The following FTCDNL1 variants were observed in gnomAD, a reference collection of about 807,000 sequenced individuals.
The protein encoded by FTCDNL1 is formiminotransferase cyclodeaminase N-terminal like, also known as formiminotransferase N-terminal subdomain-containing protein.
FTCDNL1 carries 11 observed loss-of-function variants against 5.9 expected under a neutral mutation model. That is an observed-to-expected ratio of 1.87 (90% confidence interval 1.18 to 3.10). The LOEUF (loss-of-function observed/expected upper bound fraction) is 3.10. Ranked by LOEUF, FTCDNL1 falls within the 30% of genes most tolerant of loss-of-function variation. The pLI is 0.00. For missense variants in FTCDNL1, 115 were observed against 65.5 expected (o/e 1.76, Z -2.61); for synonymous variants, 58 against 24.8 (o/e 2.34, Z -3.99).
At chr2:199,844,247 T>C (rs921098426) in intron 3 of FTCDNL1, 2 of 403,496 alleles carry the variant, frequency 5.0e-6, no homozygotes, top group Non-Finnish European at 8.8e-6. Flanking sequence ...AAACACACAG[T>C]GTATTGTTGA....
downstream of FTCDNL1, among the ~76,000 whole-genome samples, chr2:199,759,286 T>C (rs900014484): frequency 4.0e-5 from 6 of 151,362 alleles, no homozygotes; most frequent in African/African-American, 1.5e-4. Context: ...GCTTTTTCCT[T>C]ATCATTTGTT....
chr2:199,736,416 G>A, the FTCDNL1 span, among the ~76,000 whole-genome samples: 1 of 152,140 alleles, frequency 6.6e-6, no homozygotes, highest in Non-Finnish European at 1.5e-5. Flanking sequence ...AGTTATGGGG[G>A]ATGCCTGACT....
At chr2:199,717,509 A>ATTTTTTTTTTTTTTTTTTTTT in the FTCDNL1 span, among the ~76,000 whole-genome samples, 7 of 57,688 alleles carry the variant, frequency 1.2e-4, no homozygotes, top group East Asian at 1.8e-3. Flanking sequence ...CAAGGCAGAG[A>ATTTTTTTTTTTTTTTTTTTTT]TTTTTTTTTT....
At chr2:199,779,986 C>G (rs559403205) in intron 3 of FTCDNL1, among the ~76,000 whole-genome samples, 6 of 152,314 alleles carry the variant, frequency 3.9e-5, no homozygotes, top group African/African-American at 7.2e-5. Flanking sequence ...AGTACCACCT[C>G]TTATCACGTG....
chr2:199,780,339 T>C (rs1302229767), intron 3 of FTCDNL1, among the ~76,000 whole-genome samples: 1 of 152,216 alleles, frequency 6.6e-6, no homozygotes, highest in African/African-American at 2.4e-5. Context: ...TTAAGAGCTG[T>C]GTTCTGCCAG....
the FTCDNL1 span, among the ~76,000 whole-genome samples, chr2:199,716,723 T>TTAAAA: frequency 6.6e-6 from 1 of 152,180 alleles, no homozygotes. Context: ...TTGGTGGGCT[T>TTAAAA]ACGGTTACAG....
At chr2:199,741,243 G>A in the FTCDNL1 span, among the ~76,000 whole-genome samples, 12 of 152,054 alleles carry the variant, frequency 7.9e-5, no homozygotes, top group Non-Finnish European at 1.6e-4. Flanking sequence ...TCCACTGCAC[G>A]CTAGCCCGGG....
At chr2:199,826,333 G>A (rs1702028610) in intron 3 of FTCDNL1, among the ~76,000 whole-genome samples, 1 of 151,920 alleles carries the variant, frequency 6.6e-6, no homozygotes, top group Non-Finnish European at 1.5e-5. Context: ...GTATAGGATT[G>A]AATACCATTT....
intron 2 of FTCDNL1, 145 bp downstream of exon 2, chr2:199,848,703 G>T: frequency 1.8e-6 from 1 of 554,034 alleles, no homozygotes; most frequent in South Asian, 2.5e-5. Flanking sequence ...CTGGAGTTGC[G>T]CAGAGCTGCA....
At chr2:199,689,608 G>T in the FTCDNL1 span, among the ~76,000 whole-genome samples, 99,291 of 151,514 alleles carry the variant, frequency 0.66, 36,054 homozygotes, top group South Asian at 0.9. Context: ...TCAGTTTTTT[G>T]GGGGGTAATT....
the FTCDNL1 span, among the ~76,000 whole-genome samples, chr2:199,713,880 G>A: frequency 6.6e-6 from 1 of 152,140 alleles, no homozygotes; most frequent in African/African-American, 2.4e-5. Context: ...GTTCAGTGAT[G>A]CCAGAAATGA....
At chr2:199,747,986 C>T in the FTCDNL1 span, among the ~76,000 whole-genome samples, 1 of 152,106 alleles carries the variant, frequency 6.6e-6, no homozygotes, top group East Asian at 1.9e-4. Context: ...TTTAATTCTG[C>T]CACTTACTTT....
At chr2:199,838,861 T>C (rs537062325) in intron 3 of FTCDNL1, among the ~76,000 whole-genome samples, 1 of 152,186 alleles carries the variant, frequency 6.6e-6, no homozygotes, top group African/African-American at 2.4e-5. Flanking sequence ...AACATTTATA[T>C]TGACAATCTA....
intron 3 of FTCDNL1, among the ~76,000 whole-genome samples, chr2:199,796,509 T>C (rs1180363966): frequency 3.3e-5 from 5 of 152,186 alleles, no homozygotes; most frequent in Non-Finnish European, 7.4e-5. Context: ...CTTTATTGAA[T>C]TACAATTAAG....
At chr2:199,767,540 C>T (rs931690853) in intron 3 of FTCDNL1, among the ~76,000 whole-genome samples, 9 of 152,088 alleles carry the variant, frequency 5.9e-5, no homozygotes, top group Non-Finnish European at 1.3e-4. Context: ...AATGTAAACC[C>T]CAAGGTGATG....
chr2:199,794,330 G>A (rs1198303108), intron 3 of FTCDNL1, among the ~76,000 whole-genome samples: 1 of 152,164 alleles, frequency 6.6e-6, no homozygotes, highest in African/African-American at 2.4e-5. Context: ...AAGCACTGTG[G>A]CCAAAGCAAA....
the FTCDNL1 span, among the ~76,000 whole-genome samples, chr2:199,714,157 T>G: frequency 2.7e-4 from 41 of 152,314 alleles, no homozygotes; most frequent in Non-Finnish European, 3.1e-4. Flanking sequence ...TATGTTTATG[T>G]ATGCAATGAT....
chr2:199,683,680 T>G, the FTCDNL1 span, among the ~76,000 whole-genome samples: 1 of 151,984 alleles, frequency 6.6e-6, no homozygotes, highest in Admixed American at 6.6e-5. Flanking sequence ...CAGTATTTTC[T>G]TTTGATCCTA....
At chr2:199,842,323 C>T (rs1384081946) in intron 3 of FTCDNL1, among the ~76,000 whole-genome samples, 1 of 152,050 alleles carries the variant, frequency 6.6e-6, no homozygotes, top group Non-Finnish European at 1.5e-5. Context: ...CCTCTTGAGA[C>T]TCATTTCATA....
Sources: gnomAD v4.1 joint callset for allele counts (sites outside exome capture counted in the v4.1 genomes callset) on GRCh38, gnomAD v4.1.1 for gene constraint, MANE v1.5 for transcripts, NCBI Gene and HGNC (gene_info 2026-07-23, HGNC 2026-07-21) for gene names.